Variants in FAM240C observed in about 807,000 individuals in gnomAD.
The protein encoded by FAM240C is protein FAM240C.
FAM240C carries 14 observed loss-of-function variants against 10.0 expected under a neutral mutation model. The ratio of observed to expected loss-of-function variants is 1.40; its 90% CI spans 0.92 to 2.19. The LOEUF is 2.19. Among genes scored for constraint, FAM240C ranks in the 30% most tolerant of loss-of-function variants. FAM240C has a pLI of 0.00. For missense variants in FAM240C, 154 were observed against 122.3 expected (o/e 1.26, Z -1.22); for synonymous variants, 49 against 44.3 (o/e 1.11, Z -0.42).
Position 241,894,207 on chromosome 2 carries a change from G to A in FAM240C, c.*6C>T. The A allele has an allele frequency of 6.5e-7, 1 of 1,548,592 alleles. No individual in the cohort carries two copies. The highest frequency in any genetic ancestry group is 2.0e-5 in the Admixed American group (1 of 50,972). On this transcript the variant is annotated 3_prime_UTR_variant, in exon 3 of 3. Coordinates refer to ENST00000404031, the MANE Select transcript of FAM240C (RefSeq NM_001382368.1). ...AGCTCATGCAGAGTCTGGAGCTCGT[G>A]GGCCCTCAGGCCGCCTTCTTGTCCT...
intron 2 of FAM240C, among the ~76,000 whole-genome samples, chr2:241,896,629 T>G (rs554993922): frequency 0.13 from 458 of 3,394 alleles, 4 homozygotes; most frequent in East Asian, 0.34. Context: ...GTGTGGGTGT[T>G]GGGGTGTGGG....
chr2:241,899,474 G>A (rs975132879), intron 1 of FAM240C: 9 of 413,594 alleles, frequency 2.2e-5, no homozygotes, highest in African/African-American at 4.4e-5. Context: ...TGGGATGCAC[G>A]GAACCCACCA....
rs1053680986 is a variant in FAM240C at position 241,894,082 on chromosome 2, G to A, written c.*131C>T. The A allele has an allele frequency of 1.9e-6, 2 of 1,077,852 alleles. No homozygotes were observed. Among genetic ancestry groups the A allele is most frequent in the Non-Finnish European group, 2.6e-6 (2 of 768,472 alleles). The allele number at this position is 1,077,852 out of a possible 1,614,324, so 66.8% of individuals were successfully genotyped here. On this transcript the variant is annotated 3_prime_UTR_variant, in exon 3 of 3. Coordinates refer to ENST00000404031, the MANE Select transcript of FAM240C (RefSeq NM_001382368.1). ...GACCCCGAGGTGGGATTATTACGGG[G>A]TCAGCGAGGTGCGGGCCATTTCCAT...
In FAM240C at chr2:241,897,289, A is replaced by G. The variant is rs1265363255; in HGVS notation, c.58T>C (p.Tyr20His). 1.9e-6 allele frequency: 3 copies of G among 1,549,774 alleles called. No homozygotes were observed. The African/African-American group carries it at 4.1e-5, about 21-fold the overall frequency. Reference protein sequence around the residue: ...LTLKNPGRVAYDSGGIKMFWE... With the variant: ...LTLKNPGRVAHDSGGIKMFWE... ...AACATCTTTATCCCGCCTGAATCGTATGCTACTCTTCCAGGATTCTTAAGA... is the reference window on the plus strand; with the variant it reads ...AACATCTTTATCCCGCCTGAATCGTGTGCTACTCTTCCAGGATTCTTAAGA... Residue 20 changes from tyrosine to histidine, a missense_variant, in exon 2 of 3, where the codon TAC becomes CAC. By Grantham distance (83) the Tyr-to-His change is moderately conservative. Coordinates refer to ENST00000404031, the MANE Select transcript of FAM240C (RefSeq NM_001382368.1).
intron 2 of FAM240C, among the ~76,000 whole-genome samples, chr2:241,896,502 A>T (rs114022390): frequency 0.27 from 1,846 of 6,958 alleles, 37 homozygotes; most frequent in African/African-American, 0.39. Context: ...GTGTGGGTGA[A>T]GGGGGTGTGG....
chr2:241,894,475 C>A, intron 2 of FAM240C, 136 bp from the exon 3 acceptor site: 1 of 979,492 alleles, frequency 1.0e-6, no homozygotes. Context: ...GGGGTGTCAC[C>A]GCATCCCTGC....
intron 2 of FAM240C, among the ~76,000 whole-genome samples, chr2:241,896,182 C>G (rs189154681): frequency 1.3e-5 from 2 of 152,150 alleles, no homozygotes; most frequent in Admixed American, 1.3e-4. Context: ...TGCTGTGTGC[C>G]GGCCAGTGTC....
At position 241,894,081 on chromosome 2, in the gene FAM240C, G is replaced by T; in HGVS notation, c.*132C>A. ...GGACCCCGAGGTGGGATTATTACGG[G>T]GTCAGCGAGGTGCGGGCCATTTCCA... On this transcript the variant is annotated 3_prime_UTR_variant, in exon 3 of 3. Transcript: ENST00000404031. 1 of 1,053,130 alleles carries T rather than the reference G, an allele frequency of 9.5e-7. No individual in the cohort carries two copies. The allele number at this position is 1,053,130 out of a possible 1,614,324, so 65.2% of individuals were successfully genotyped here.
At chr2:241,899,285 C>T (rs547613111) in intron 1 of FAM240C, 31 of 1,262,728 alleles carry the variant, frequency 2.5e-5, no homozygotes, top group African/African-American at 3.1e-5. Flanking sequence ...GGGTGCTGGG[C>T]GCTTTGCTGG....
At position 241,894,917 on chromosome 2, in the gene FAM240C, C is replaced by G. The variant is rs569879724; in HGVS notation, c.162-578G>C. ...TTGTGATCTCAGCACCACGCATGGGCGGACCTGGCGGCAGGAATGGCCTGG... is the reference window on the plus strand; with the variant it reads ...TTGTGATCTCAGCACCACGCATGGGGGGACCTGGCGGCAGGAATGGCCTGG... On this transcript the variant is annotated intron_variant, in intron 2 of 2. Coordinates refer to ENST00000404031, the MANE Select transcript of FAM240C (RefSeq NM_001382368.1). 9.8e-5 allele frequency among the ~76,000 whole-genome samples: 15 copies of G among 152,334 alleles called. No individual in the cohort carries two copies. In the East Asian group the frequency reaches 2.7e-3, roughly 27 times the overall value.
intron 1 of FAM240C, chr2:241,899,278 T>C: frequency 7.9e-7 from 1 of 1,269,152 alleles, no homozygotes; most frequent in Non-Finnish European, 1.0e-6. Flanking sequence ...GTGATGTGGG[T>C]GCTGGGCGCT....
upstream of FAM240C, among the ~76,000 whole-genome samples, chr2:241,901,832 C>A (rs556515653): frequency 7.2e-4 from 110 of 152,350 alleles, no homozygotes; most frequent in African/African-American, 2.6e-3. This position sits in a 1 kb window ranked among gnomAD's most constrained non-coding sequence, Gnocchi z 4.9. Context: ...CTCCCCAGGT[C>A]CTATGCGCGA....
At chr2:241,897,388 C>A (rs1000262390) in intron 1 of FAM240C, 54 bp from the exon 2 acceptor site, 2 of 1,527,630 alleles carry the variant, frequency 1.3e-6, no homozygotes, top group Non-Finnish European at 1.8e-6. Context: ...TTCCCATTGA[C>A]GAGTTTGTGC....
At position 241,897,271 on chromosome 2, in the gene FAM240C, T is replaced by G; in HGVS notation, c.76A>C (p.Lys26Gln). 1 of 1,549,882 alleles carries G rather than the reference T, an allele frequency of 6.5e-7. No individual in the cohort carries two copies. Among genetic ancestry groups the G allele is most frequent in the Non-Finnish European group, 8.7e-7 (1 of 1,146,548 alleles). The part of the protein sequence containing the change: ...GRVAYDSGGI[K>Q]MFWEKKIEHH... ...TCGATTTTTTTCTCCCAAAACATCT[T>G]TATCCCGCCTGAATCGTATGCTACT... The change falls in exon 2 of 3, where the codon AAG (lysine) becomes CAG (glutamine). Residue 26 changes from lysine (K) to glutamine (Q), a missense_variant. Transcript: ENST00000404031.
chr2:241,897,115 G>T, intron 2 of FAM240C, 71 bp downstream of exon 2: 2 of 1,503,634 alleles, frequency 1.3e-6, no homozygotes, highest in Non-Finnish European at 1.8e-6. Flanking sequence ...ACTGCTGGCG[G>T]GGCTGTGCCC....
chr2:241,900,893 G>A (rs894940134), upstream of FAM240C, among the ~76,000 whole-genome samples: 4 of 152,172 alleles, frequency 2.6e-5, no homozygotes, highest in Admixed American at 6.5e-5. The surrounding 1 kb of genome is among the most constrained non-coding windows in gnomAD (Gnocchi z 4.5). Flanking sequence ...TTTATTGTGA[G>A]GAGCTGGCTC....
chr2:241,900,694 C>T (rs1701963976), upstream of FAM240C, among the ~76,000 whole-genome samples: 1 of 151,082 alleles, frequency 6.6e-6, no homozygotes, highest in Non-Finnish European at 1.5e-5. This position sits in a 1 kb window ranked among gnomAD's most constrained non-coding sequence, Gnocchi z 4.5. Flanking sequence ...TGGGAGGGAG[C>T]ATTGTCTGGG....
At chr2:241,895,888 TAGGCACACAC>T (rs1465399051) in intron 2 of FAM240C, among the ~76,000 whole-genome samples, 1 of 149,996 alleles carries the variant, frequency 6.7e-6, no homozygotes, top group African/African-American at 2.5e-5. Flanking sequence ...CGGAGGCACG[TAGGCACACAC>T]AGGCACACGT....
At position 241,900,160 on chromosome 2, in the gene FAM240C, TC is replaced by T. The variant is rs1701948651; in HGVS notation, c.12+197del. Reference sequence around the variant, plus strand: ...TGTGAGGCAGGTGATGGAGACACTCTCCCCCCACCAAAGGTGTTGACAGCAG... The same window carrying T: ...TGTGAGGCAGGTGATGGAGACACTCTCCCCCACCAAAGGTGTTGACAGCAG... On this transcript the variant is annotated intron_variant, in intron 1 of 2. Coordinates refer to ENST00000404031, the MANE Select transcript of FAM240C (RefSeq NM_001382368.1). This position sits in a 1 kb window ranked among gnomAD's most constrained non-coding sequence, Gnocchi z 4.5. Among the ~76,000 whole-genome samples the T allele has an allele frequency of 1.3e-5, 2 of 151,918 alleles. No individual in the cohort carries two copies. The highest frequency in any genetic ancestry group is 6.6e-5 in the Admixed American group (1 of 15,248).
Sources: allele counts gnomAD v4.1 joint callset (sites outside exome capture counted in the v4.1 genomes callset), GRCh38; gene constraint gnomAD v4.1.1; non-coding constraint Gnocchi (gnomAD v3.1); transcripts MANE v1.5; gene names NCBI Gene and HGNC (gene_info 2026-07-23, HGNC 2026-07-21).